Variants in NEDD4 observed in about 807,000 individuals in gnomAD.
The protein encoded by NEDD4 is E3 ubiquitin-protein ligase NEDD4.
In NEDD4, 99 loss-of-function variants were observed where a neutral mutation model predicts 144.9. The observed-to-expected ratio is 0.68, with a 90% CI of 0.58 to 0.81. NEDD4 has a LOEUF of 0.81. NEDD4 is among the 30% of genes least tolerant of loss of function. The pLI, the probability that NEDD4 is intolerant of heterozygous loss-of-function variation, is 0.00. For missense variants in NEDD4, 985 were observed against 1,065.9 expected (o/e 0.92, Z 1.06); for synonymous variants, 318 against 350.6 (o/e 0.91, Z 1.04).
chr15:55,968,850 A>G (rs2037560468), intron 1 of NEDD4, among the ~76,000 whole-genome samples: 1 of 152,232 alleles, frequency 6.6e-6, no homozygotes, highest in Non-Finnish European at 1.5e-5. Context: ...TTTAAGATCA[A>G]CAAATATGGA....
rs533792648 is a variant in NEDD4 at position 55,865,338 on chromosome 15, A to G, written c.508-2259T>C. On this transcript the variant is annotated intron_variant, in intron 8 of 28. Transcript: ENST00000435532. The stretch of plus-strand genomic sequence containing the variant: ...CACTTGAATTCCTACCTCATGCCTT[A>G]TATCAGGATAAGTTACAGACTGAAT... Among the ~76,000 whole-genome samples the G allele has an allele frequency of 2.6e-5, 4 of 152,230 alleles. No individual in the cohort carries two copies. In the South Asian group the frequency reaches 8.3e-4, roughly 32 times the overall value.
intron 4 of NEDD4, among the ~76,000 whole-genome samples, chr15:55,946,079 T>C (rs1206270487): frequency 6.6e-6 from 1 of 152,162 alleles, no homozygotes; most frequent in Non-Finnish European, 1.5e-5. Context: ...ATCGATGCTA[T>C]GAAGAAACTC....
Position 55,957,739 on chromosome 15 carries a change from T to C in NEDD4, c.120-6150A>G, listed in dbSNP as rs1305788709. ...AACCAACCCAAATGTCCATCAATGA[T>C]AGACTGGATTAAGAAAATGTGGCAC... On this transcript the variant is annotated intron_variant, in intron 2 of 28. Transcript: ENST00000435532. Among the ~76,000 whole-genome samples, 17 of 152,158 alleles carry C rather than the reference T, an allele frequency of 1.1e-4. 1 individual carries two copies. Among genetic ancestry groups the C allele is most frequent in the Non-Finnish European group, 4.4e-5 (3 of 68,038 alleles).
chr15:55,950,745 A>C (rs2037223044), intron 4 of NEDD4, among the ~76,000 whole-genome samples: 1 of 152,174 alleles, frequency 6.6e-6, no homozygotes, highest in Non-Finnish European at 1.5e-5. Context: ...TCAACAGCTA[A>C]AGGGGAATAT....
chr15:55,967,137 A>C (rs1454244717), intron 1 of NEDD4, among the ~76,000 whole-genome samples: 5 of 152,190 alleles, frequency 3.3e-5, no homozygotes, highest in Admixed American at 3.3e-4. Context: ...TGCCTGCCTC[A>C]GCCTCCTAAA....
At chr15:55,991,295 G>C (rs777814906) in intron 1 of NEDD4, among the ~76,000 whole-genome samples, 3 of 152,182 alleles carry the variant, frequency 2.0e-5, no homozygotes, top group Admixed American at 2.0e-4. Flanking sequence ...GGGGTGTTTG[G>C]GGGTGGGGAG....
intron 13 of NEDD4, 67 bp downstream of exon 13, chr15:55,852,356 TA>T (rs2034017258): frequency 1.3e-6 from 2 of 1,519,244 alleles, no homozygotes; most frequent in East Asian, 2.4e-5. Context: ...CAAAGTGATG[TA>T]ATAGTTTACA....
intron 8 of NEDD4, among the ~76,000 whole-genome samples, chr15:55,864,875 A>T (rs2034532478): frequency 6.6e-6 from 1 of 152,098 alleles, no homozygotes; most frequent in Non-Finnish European, 1.5e-5. Flanking sequence ...AGGCAGCTCA[A>T]TAGATTTGCC....
chr15:55,877,100 A>T (rs2035021318), intron 5 of NEDD4, among the ~76,000 whole-genome samples: 1 of 152,204 alleles, frequency 6.6e-6, no homozygotes, highest in Admixed American at 6.5e-5. Context: ...ACCAAATGTT[A>T]ACATCTTAAA....
chr15:55,839,802 C>T (rs1407567945), intron 21 of NEDD4, among the ~76,000 whole-genome samples: 2 of 150,454 alleles, frequency 1.3e-5, no homozygotes, highest in African/African-American at 4.9e-5. Flanking sequence ...ACGGTGAAAC[C>T]CCGTCTCTAC....
Position 55,834,227 on chromosome 15 carries a change from C to G in NEDD4, c.2322G>C (p.Glu774Asp). Residue 774 changes from glutamate to aspartate, a missense_variant and splice_region_variant, in exon 25 of 29, where the codon GAG becomes GAC. Transcript: ENST00000435532. ...TTCAACATAAAATGTTATGTCTTAC[C>G]TCTAGTTCATTTTCATCAAAAATTT... is the stretch of plus-strand genomic sequence containing the variant. ...LIKIFDENEL[E>D]LLMCGLGDVD... 1 of 1,609,476 alleles carries G rather than the reference C, an allele frequency of 6.2e-7. No homozygotes were observed.
At chr15:55,922,938 C>G (rs1363086138) in intron 5 of NEDD4, among the ~76,000 whole-genome samples, 1 of 152,078 alleles carries the variant, frequency 6.6e-6, no homozygotes, top group African/African-American at 2.4e-5. Context: ...AAAACACACA[C>G]AAAAACTCCA....
chr15:55,864,927 G>A (rs1230335198), intron 8 of NEDD4, among the ~76,000 whole-genome samples: 1 of 152,094 alleles, frequency 6.6e-6, no homozygotes, highest in Non-Finnish European at 1.5e-5. Flanking sequence ...GCCAGGCACA[G>A]TGGTTCATGC....
At chr15:55,993,482 C>T in intron 1 of NEDD4, 29 bp downstream of exon 1, 2 of 1,593,352 alleles carry the variant, frequency 1.3e-6, no homozygotes, top group Non-Finnish European at 1.7e-6. Flanking sequence ...CGAAGGGAAG[C>T]CCGCCCCGCA....
At chr15:55,975,511 A>G (rs2037684299) in intron 1 of NEDD4, among the ~76,000 whole-genome samples, 1 of 152,158 alleles carries the variant, frequency 6.6e-6, no homozygotes. Flanking sequence ...GAAATCAAGA[A>G]TGTAACTCCC....
chr15:55,837,446 A>G (rs2033264486), intron 24 of NEDD4, among the ~76,000 whole-genome samples: 1 of 151,796 alleles, frequency 6.6e-6, no homozygotes, highest in African/African-American at 2.4e-5. Context: ...AAAAAAAAAA[A>G]AAGAAGAAAG....
chr15:55,939,380 T>A lies in NEDD4; in HGVS notation c.237+11996A>T, dbSNP rs148618904. ...TTGTGGAGAAGGTGCCCGCTTCCTG[T>A]TCATCTTCTGCCATGACTGAGGCCT... On this transcript the variant is annotated intron_variant, in intron 4 of 28. Coordinates refer to ENST00000435532, the MANE Select transcript of NEDD4 (RefSeq NM_006154.4). 6.0e-3 allele frequency among the ~76,000 whole-genome samples: 914 copies of A among 152,310 alleles called. 5 individuals are homozygous for A. The highest frequency in any genetic ancestry group is 0.021 in the African/African-American group (871 of 41,562).
At chr15:55,896,357 AT>A (rs1244987406) in intron 5 of NEDD4, among the ~76,000 whole-genome samples, 1 of 151,796 alleles carries the variant, frequency 6.6e-6, no homozygotes, top group Non-Finnish European at 1.5e-5. Context: ...TAATTTTTGT[AT>A]TTTTTTGTAG....
chr15:55,953,737 C>T (rs62045208), intron 2 of NEDD4, among the ~76,000 whole-genome samples: 12,452 of 150,114 alleles, frequency 0.083, 634 homozygotes, highest in Middle Eastern at 0.17. Context: ...CCAACATGCC[C>T]GGCTTAAACT....
Sources: gnomAD v4.1 joint callset for allele counts (sites outside exome capture counted in the v4.1 genomes callset) on GRCh38, gnomAD v4.1.1 for gene constraint, MANE v1.5 for transcripts, NCBI Gene and HGNC (gene_info 2026-07-23, HGNC 2026-07-21) for gene names.